The following CRTC1 variants were observed in gnomAD, a reference collection of about 807,000 sequenced individuals.
CRTC1 encodes the protein CREB regulated transcription coactivator 1.
A neutral mutation model predicts 66.1 loss-of-function variants in CRTC1; 18 were observed. That is an observed-to-expected ratio of 0.27 (90% CI 0.19 to 0.40). CRTC1 has a LOEUF of 0.40. Ranked by LOEUF, CRTC1 falls within the 10% of genes least tolerant of loss-of-function variation. The pLI is 1.00. For synonymous variants in CRTC1, 416 were observed against 398.8 expected (o/e 1.04, Z -0.51); for missense variants, 669 against 887.9 (o/e 0.75, Z 3.13).
At chr19:18,695,334 G>C (rs754197755) in intron 1 of CRTC1, among the ~76,000 whole-genome samples, 1 of 152,066 alleles carries the variant, frequency 6.6e-6, no homozygotes, top group Non-Finnish European at 1.5e-5. Context: ...ATGGGACTCT[G>C]TAAAATGCCA....
At chr19:18,753,622 C>T (rs1427201516) in intron 6 of CRTC1, 37 bp downstream of exon 6, 1 of 1,499,444 alleles carries the variant, frequency 6.7e-7, no homozygotes, top group Non-Finnish European at 9.2e-7. Context: ...TTTTTTTCTT[C>T]TTTCTCTTCT....
At chr19:18,686,345 A>G (rs1038487271) in intron 1 of CRTC1, among the ~76,000 whole-genome samples, 6 of 152,174 alleles carry the variant, frequency 3.9e-5, no homozygotes, top group Admixed American at 6.6e-5. Flanking sequence ...TCATCAGTCA[A>G]TGAATTTAGA....
chr19:18,775,856 C>T (rs577305883), intron 13 of CRTC1, 35 bp downstream of exon 13: 1 of 1,528,874 alleles, frequency 6.5e-7, no homozygotes, highest in South Asian at 1.3e-5. Flanking sequence ...TGCGGCGCCC[C>T]AAGGGGCCTC....
intron 2 of CRTC1, among the ~76,000 whole-genome samples, chr19:18,745,605 C>A (rs1389525863): frequency 6.6e-6 from 1 of 152,210 alleles, no homozygotes; most frequent in African/African-American, 2.4e-5. Flanking sequence ...ACCCTGGCTC[C>A]CGGGACCCCA....
At chr19:18,752,081 A>AG (rs991657597) in intron 5 of CRTC1, among the ~76,000 whole-genome samples, 1 of 149,250 alleles carries the variant, frequency 6.7e-6, no homozygotes, top group Non-Finnish European at 1.5e-5. Flanking sequence ...TGAACCCAGT[A>AG]GGCGCAGGTT....
intron 1 of CRTC1, among the ~76,000 whole-genome samples, chr19:18,710,759 C>T (rs1359764778): frequency 2.6e-5 from 4 of 152,082 alleles, no homozygotes; most frequent in Admixed American, 2.6e-4. Context: ...TTACAGGCAC[C>T]CGCCACTGTG....
chr19:18,753,001 C>A (rs2054400947), intron 5 of CRTC1, among the ~76,000 whole-genome samples: 1 of 151,528 alleles, frequency 6.6e-6, no homozygotes, highest in South Asian at 2.1e-4. Flanking sequence ...CACGGTGGCG[C>A]ACACCTGTAA....
rs754665024 is a variant in CRTC1, at chr19:18,777,470, C to G, written c.*88C>G. 3.2e-6 allele frequency: 4 copies of G among 1,257,186 alleles called. No homozygotes were observed. Among genetic ancestry groups the G allele is most frequent in the Admixed American group, 3.5e-5 (2 of 57,706 alleles). The allele number at this position is 1,257,186 out of a possible 1,614,324, so 77.9% of individuals were successfully genotyped here. A position where few individuals can be genotyped will look rare whatever the true frequency, so the allele number is the denominator to read the frequency against. ...CCGTGCTCCGTCCCTCGCCAACGGC[C>G]GAGCTTGTGATTCTGAGCTTGCAAT... is the stretch of plus-strand genomic sequence containing the variant. On this transcript the variant is annotated 3_prime_UTR_variant, in exon 14 of 14. Coordinates refer to ENST00000321949, the MANE Select transcript of CRTC1 (RefSeq NM_015321.3). The surrounding 1 kb of genome is among the most constrained non-coding windows in gnomAD (Gnocchi z 5.5).
chr19:18,773,814 T>G (rs1318823510), intron 11 of CRTC1, among the ~76,000 whole-genome samples: 1 of 152,068 alleles, frequency 6.6e-6, no homozygotes, highest in African/African-American at 2.4e-5. Context: ...TCTGTCTCTG[T>G]TGTCTGCCCA....
chr19:18,695,469 CT>C (rs929320819), intron 1 of CRTC1, among the ~76,000 whole-genome samples: 3 of 152,190 alleles, frequency 2.0e-5, no homozygotes, highest in African/African-American at 7.2e-5. Context: ...GATTCTGCCC[CT>C]GGGGGCATTT....
chr19:18,753,585 G>A lies in CRTC1; in HGVS notation c.624G>A (p.Lys208=). ...NLSKQAWDTK[K]TGSRPKSCEV... ...CCAAGCAAGCATGGGACACCAAGAA[G>A]GTAAGAGCCTATGAGCTTTCAAAAA... Residue 208 remains lysine (K), a splice_region_variant and synonymous_variant, in exon 6 of 14, where the codon AAG becomes AAA. Transcript: ENST00000321949. The A allele has an allele frequency of 6.2e-7, 1 of 1,608,402 alleles. No homozygotes were observed. The highest frequency in any genetic ancestry group is 8.5e-7 in the Non-Finnish European group (1 of 1,176,680).
At position 18,777,514 on chromosome 19, in the gene CRTC1, C is replaced by T; in HGVS notation, c.*132C>T. The stretch of plus-strand genomic sequence containing the variant: ...TTGCAATGCCGCCAAGCGCCCCCCG[C>T]CAGCCCGCCCCCGGTTGTCCACCTC... On this transcript the variant is annotated 3_prime_UTR_variant, in exon 14 of 14. Coordinates refer to ENST00000321949, the MANE Select transcript of CRTC1 (RefSeq NM_015321.3). This position sits in a 1 kb window ranked among gnomAD's most constrained non-coding sequence, Gnocchi z 5.5. The T allele has an allele frequency of 1.2e-6, 1 of 851,810 alleles. No homozygotes were observed. The highest frequency in any genetic ancestry group is 2.5e-5 in the East Asian group (1 of 39,398). The allele number at this position is 851,810 out of a possible 1,614,324, so 52.8% of individuals were successfully genotyped here.
chr19:18,719,160 C>T (rs1428241896), intron 1 of CRTC1, among the ~76,000 whole-genome samples: 2 of 152,182 alleles, frequency 1.3e-5, no homozygotes, highest in South Asian at 2.1e-4. Context: ...CAGCCTCTGT[C>T]CCTGCTTCTT....
rs1231022178 is a variant in CRTC1 at position 18,692,630 on chromosome 19, G to T, written c.126+8802G>T. On this transcript the variant is annotated intron_variant, in intron 1 of 13. Coordinates refer to ENST00000321949, the MANE Select transcript of CRTC1 (RefSeq NM_015321.3). The stretch of plus-strand genomic sequence containing the variant: ...AAAAAAAAAAAAAGAAGTGGTTAGG[G>T]TGTGCAGCGACCAGGTCCACGTGCT... 2.0e-5 allele frequency among the ~76,000 whole-genome samples: 3 copies of T among 151,470 alleles called. No homozygotes were observed. In the East Asian group the frequency reaches 5.9e-4, roughly 30 times the overall value.
chr19:18,747,137 C>CA (rs751368777), intron 4 of CRTC1, 23 bp downstream of exon 4: 124 of 900,492 alleles, frequency 1.4e-4, no homozygotes, highest in Middle Eastern at 2.5e-4. Flanking sequence ...ACACCCCCCC[C>CA]CCGCCCCCTT....
chr19:18,716,853 A>C lies in CRTC1; in HGVS notation c.127-26057A>C, dbSNP rs535915415. On this transcript the variant is annotated intron_variant, in intron 1 of 13. Transcript: ENST00000321949. ...AGGACAGAAGAGGCGAGAGGGCAGAAGAGGTGCTGGGACATGGGGGAGCCA... is the reference window on the plus strand; with the variant it reads ...AGGACAGAAGAGGCGAGAGGGCAGACGAGGTGCTGGGACATGGGGGAGCCA... 5.9e-5 allele frequency among the ~76,000 whole-genome samples: 9 copies of C among 152,236 alleles called. No homozygotes were observed. The East Asian group carries it at 1.7e-3, about 29-fold the overall frequency.
chr19:18,716,378 A>G (rs186827675), intron 1 of CRTC1, among the ~76,000 whole-genome samples: 17 of 152,110 alleles, frequency 1.1e-4, no homozygotes, highest in Admixed American at 8.5e-4. Flanking sequence ...CAGCCTCCCA[A>G]GTAGCTGGGA....
At chr19:18,753,974 G>A (rs1411013283) in intron 6 of CRTC1, among the ~76,000 whole-genome samples, 11 of 152,004 alleles carry the variant, frequency 7.2e-5, no homozygotes, top group Admixed American at 3.9e-4. Flanking sequence ...GGTAGTGCAC[G>A]CCTGTAATCC....
intron 1 of CRTC1, among the ~76,000 whole-genome samples, chr19:18,710,719 C>G (rs1013906611): frequency 2.0e-5 from 3 of 152,112 alleles, no homozygotes; most frequent in Admixed American, 6.5e-5. Flanking sequence ...TCAAGTGATT[C>G]TCCTGCCTCA....
Sources: gnomAD v4.1 joint callset for allele counts (sites outside exome capture counted in the v4.1 genomes callset) on GRCh38, gnomAD v4.1.1 for gene constraint, Gnocchi (gnomAD v3.1) non-coding constraint, MANE v1.5 for transcripts, NCBI Gene and HGNC (gene_info 2026-07-23, HGNC 2026-07-21) for gene names.